ZNF546: variants seen among roughly 807,000 people sequenced by gnomAD.
The protein encoded by ZNF546 is zinc finger protein 546, also known as CTC-471F3.6.
In ZNF546, 60 loss-of-function variants were observed where a neutral mutation model predicts 76.2. The ratio of observed to expected loss-of-function variants is 0.79; its 90% CI spans 0.64 to 0.98. The LOEUF (loss-of-function observed/expected upper bound fraction) is 0.98, where lower values mean the gene tolerates loss of function less well. Among genes scored for constraint, ZNF546 ranks in the 50% least tolerant of loss-of-function variants. ZNF546 has a pLI of 0.00. For synonymous variants in ZNF546, 277 were observed against 328.1 expected (o/e 0.84, Z 1.68); for missense variants, 936 against 1,035.6 (o/e 0.90, Z 1.32).
chr19:40,007,371 T>C lies in ZNF546; in HGVS notation c.269T>C (p.Leu90Ser). The C allele has an allele frequency of 1.2e-6, 2 of 1,602,752 alleles. No homozygotes were observed. Among genetic ancestry groups the C allele is most frequent in the Non-Finnish European group, 1.7e-6 (2 of 1,173,752 alleles). ...AGGGACTTGTACAAGGATGTGATGT[T>C]GGAGAACTACAGCAACCTGGTCTCA... is the stretch of plus-strand genomic sequence containing the variant. The part of the protein sequence containing the change: ...VQRDLYKDVM[L>S]ENYSNLVSLG... The change falls in exon 5 of 7, where the codon TTG becomes TCG. Residue 90 changes from leucine (L) to serine (S), a missense_variant. Coordinates refer to ENST00000347077, the MANE Select transcript of ZNF546 (RefSeq NM_178544.5).
Position 40,020,211 on chromosome 19 carries a change from A to G in ZNF546, c.*4430A>G, listed in dbSNP as rs1372023635. ...GACTACCATACTACCACTTTCCTCA[A>G]CTTGGACTAATGTCCATTGTCAACC... On this transcript the variant is annotated 3_prime_UTR_variant, in exon 7 of 7. Coordinates refer to ENST00000347077, the MANE Select transcript of ZNF546 (RefSeq NM_178544.5). The G allele has an allele frequency of 2.0e-5, 3 of 152,116 alleles. No individual in the cohort carries two copies. Among genetic ancestry groups the G allele is most frequent in the Admixed American group, 1.3e-4 (2 of 15,272 alleles). 9.4% of individuals were successfully genotyped at this position (152,116 alleles called of 1,614,324 possible).
rs751922093 is a variant in ZNF546, at chr19:40,007,390, G to C, written c.288G>C (p.Leu96=). ...KDVMLENYSN[L]VSLGYTIPKP... ...TGATGTTGGAGAACTACAGCAACCTGGTCTCACTGGGTAAGGTATCTTTCG... is the reference window on the plus strand; with the variant it reads ...TGATGTTGGAGAACTACAGCAACCTCGTCTCACTGGGTAAGGTATCTTTCG... Residue 96 remains leucine, a synonymous_variant, in exon 5 of 7, where the codon CTG becomes CTC. Coordinates refer to ENST00000347077, the MANE Select transcript of ZNF546 (RefSeq NM_178544.5). 6.3e-7 allele frequency: 1 copy of C among 1,595,242 alleles called. No individual in the cohort carries two copies. The highest frequency in any genetic ancestry group is 8.5e-7 in the Non-Finnish European group (1 of 1,170,756).
At chr19:40,012,561 G>A (rs1282865277) in intron 6 of ZNF546, among the ~76,000 whole-genome samples, 3 of 152,016 alleles carry the variant, frequency 2.0e-5, no homozygotes, top group African/African-American at 7.2e-5. Context: ...AATATGTTTG[G>A]GTTTTATTCT....
intron 4 of ZNF546, among the ~76,000 whole-genome samples, chr19:40,006,647 AG>A (rs1351642909): frequency 2.0e-5 from 3 of 152,220 alleles, no homozygotes; most frequent in African/African-American, 7.2e-5. Context: ...GAGGTATGGC[AG>A]GGGTAGCAGG....
chr19:40,008,328 C>T (rs1404945306), intron 5 of ZNF546, 142 bp from the exon 6 acceptor site: 3 of 507,144 alleles, frequency 5.9e-6, no homozygotes, highest in South Asian at 3.2e-5. Flanking sequence ...TGGCCTTTTT[C>T]TTCTTTACTG....
chr19:40,003,136 C>T (rs1479342409), intron 3 of ZNF546, among the ~76,000 whole-genome samples: 1 of 150,088 alleles, frequency 6.7e-6, no homozygotes, highest in African/African-American at 2.5e-5. Flanking sequence ...CCCAGGTTCA[C>T]ACCATTCTCC....
At position 40,017,547 on chromosome 19, in the gene ZNF546, A is replaced by G. The variant is rs190275220; in HGVS notation, c.*1766A>G. ...AGGCTGCCTCCTACTTAATTGCTAT[A>G]TAACAATTGTCCAACCTGTCTGTGC... On this transcript the variant is annotated 3_prime_UTR_variant, in exon 7 of 7. Transcript: ENST00000347077. 1 of 152,380 alleles carries G rather than the reference A, an allele frequency of 6.6e-6. No homozygotes were observed. Among genetic ancestry groups the G allele is most frequent in the Non-Finnish European group, 1.5e-5 (1 of 68,040 alleles). 9.4% of individuals were successfully genotyped at this position (152,380 alleles called of 1,614,324 possible).
At chr19:40,009,435 G>A (rs942452114) in intron 6 of ZNF546, among the ~76,000 whole-genome samples, 2 of 152,058 alleles carry the variant, frequency 1.3e-5, no homozygotes, top group Non-Finnish European at 2.9e-5. Flanking sequence ...CATATTTATT[G>A]AGGTATAATT....
Position 40,015,692 on chromosome 19 carries a change from A to G in ZNF546, c.2422A>G (p.Lys808Glu). 3.1e-6 allele frequency: 5 copies of G among 1,614,204 alleles called. No homozygotes were observed. Among genetic ancestry groups the G allele is most frequent in the Non-Finnish European group, 4.2e-6 (5 of 1,180,012 alleles). The change falls in exon 7 of 7, where the codon AAA (lysine) becomes GAA (glutamate). Residue 808 changes from lysine to glutamate, a missense_variant. Transcript: ENST00000347077. ...TACTGGTGAAAAACCCTATCAATGT[A>G]AAGAATGTGGAAAAGCCTTTATTCG... Reference protein sequence around the residue: ...IHTGEKPYQCKECGKAFIRSD... With the variant: ...IHTGEKPYQCEECGKAFIRSD...
Position 40,014,174 on chromosome 19 carries a change from G to C in ZNF546, c.904G>C (p.Glu302Gln), listed in dbSNP as rs202247234. 1.2e-6 allele frequency: 2 copies of C among 1,613,536 alleles called. No homozygotes were observed. The highest frequency in any genetic ancestry group is 2.7e-5 in the African/African-American group (2 of 74,862). The change falls in exon 7 of 7, where the codon GAG becomes CAG. Residue 302 changes from glutamate to glutamine, a missense_variant. Glu to Gln is a conservative substitution (Grantham distance 29). Transcript: ENST00000347077. ...AATACATTCTGGTGTGAAACCCTAC[G>C]AGTGTAAGGAATGTGGGAAAGCCTT... ...QRIHSGVKPYECKECGKAFSR... is the reference protein window; with the variant it reads ...QRIHSGVKPYQCKECGKAFSR...
chr19:40,010,272 A>G (rs1971655159), intron 6 of ZNF546, among the ~76,000 whole-genome samples: 2 of 152,084 alleles, frequency 1.3e-5, no homozygotes, highest in African/African-American at 2.4e-5. Context: ...GCATAGTGAC[A>G]GGCATCTGTA....
chr19:40,012,816 CT>C (rs879507609), intron 6 of ZNF546, among the ~76,000 whole-genome samples: 360 of 141,442 alleles, frequency 2.5e-3, no homozygotes, highest in Middle Eastern at 3.6e-3. Context: ...TTTTACCATT[CT>C]TTTTTTTTTT....
At position 40,004,767 on chromosome 19, in the gene ZNF546, G is replaced by A. The variant is rs1650121255; in HGVS notation, c.85-1329G>A. On this transcript the variant is annotated intron_variant, in intron 3 of 6. Transcript: ENST00000347077. ...AAATGTAATTATATTGTACATTCTG[G>A]GTTTTAACCTTATTTTTTAATTTAG... Among the ~76,000 whole-genome samples the A allele has an allele frequency of 3.3e-5, 5 of 151,332 alleles. 1 individual carries two copies. The highest frequency in any genetic ancestry group is 3.3e-4 in the Admixed American group (5 of 15,176).
At chr19:40,009,322 T>A (rs971219840) in intron 6 of ZNF546, among the ~76,000 whole-genome samples, 6 of 152,366 alleles carry the variant, frequency 3.9e-5, no homozygotes, top group African/African-American at 1.2e-4. Context: ...CTTGTACAAT[T>A]GTTTTTGTGT....
At chr19:40,006,859 A>T (rs1181291128) in intron 4 of ZNF546, among the ~76,000 whole-genome samples, 3 of 152,214 alleles carry the variant, frequency 2.0e-5, no homozygotes, top group African/African-American at 7.2e-5. Flanking sequence ...GACTTTTCTT[A>T]TGAGGTTATT....
intron 3 of ZNF546, among the ~76,000 whole-genome samples, chr19:39,998,878 T>TTCTCCTG (rs1971490354): frequency 6.6e-6 from 1 of 152,170 alleles, no homozygotes; most frequent in South Asian, 2.1e-4. Flanking sequence ...GTTCAAGTGA[T>TTCTCCTG]TCTCCTGCCT....
At position 40,015,780 on chromosome 19, in the gene ZNF546, A is replaced by G. The variant is rs772658430; in HGVS notation, c.2510A>G (p.Ter837=). The G allele has an allele frequency of 1.1e-5, 17 of 1,612,120 alleles. No homozygotes were observed. Among genetic ancestry groups the G allele is most frequent in the Admixed American group, 1.7e-5 (1 of 59,732 alleles). ...HISEEVLCIM[*] ...AGTGAGGAAGTCCTATGCATAATGT[A>G]AAGAGAATACGATGGCCTTTAGAAA... Residue 837 remains the stop codon, a stop_retained_variant, in exon 7 of 7, where the codon TAA becomes TGA. Coordinates refer to ENST00000347077, the MANE Select transcript of ZNF546 (RefSeq NM_178544.5).
intron 4 of ZNF546, among the ~76,000 whole-genome samples, chr19:40,006,519 T>C (rs534376956): frequency 1.3e-5 from 2 of 152,238 alleles, no homozygotes; most frequent in Non-Finnish European, 2.9e-5. Flanking sequence ...TTCCAAGGGA[T>C]GAATAAGAAA....
chr19:40,002,135 C>T (rs1307212069), intron 3 of ZNF546, among the ~76,000 whole-genome samples: 1 of 152,188 alleles, frequency 6.6e-6, no homozygotes, highest in Non-Finnish European at 1.5e-5. Flanking sequence ...CAGTCAGTAA[C>T]TCATCATTGA....
Sources: allele counts gnomAD v4.1 joint callset (sites outside exome capture counted in the v4.1 genomes callset), GRCh38; gene constraint gnomAD v4.1.1; transcripts MANE v1.5; gene names NCBI Gene and HGNC (gene_info 2026-07-23, HGNC 2026-07-21).